The following BET1 variants were observed in gnomAD, a reference collection of about 807,000 sequenced individuals.
BET1 encodes the protein Bet1 golgi vesicular membrane trafficking protein.
In BET1, 9 loss-of-function variants were observed where a neutral mutation model predicts 13.9. The ratio of observed to expected loss-of-function variants is 0.65; its 90% CI spans 0.39 to 1.13. BET1 has a LOEUF of 1.13. BET1 is among the 50% of genes most tolerant of loss of function. The probability of loss-of-function intolerance (pLI) is 0.01; values close to 1 mark genes in which losing one functional copy is unlikely to be tolerated. For missense variants in BET1, 127 were observed against 133.6 expected, an observed-to-expected ratio of 0.95 and a Z score of 0.24; for synonymous variants, 39 against 47.3, an observed-to-expected ratio of 0.82 and a Z score of 0.72.
chr7:93,988,985 T>G (rs545439492), downstream of BET1, among the ~76,000 whole-genome samples: 12 of 147,960 alleles, frequency 8.1e-5, no homozygotes, highest in African/African-American at 2.9e-4. Context: ...GATATATAAA[T>G]ATATAAAATA....
chr7:93,965,984 G>A (rs141618143), intron 6 of BET1, among the ~76,000 whole-genome samples: 4 of 151,948 alleles, frequency 2.6e-5, no homozygotes, highest in East Asian at 1.9e-4. Context: ...GACTTCCTCC[G>A]CCACCACTGA....
chr7:93,978,531 T>C (rs1422784336), intron 4 of BET1, among the ~76,000 whole-genome samples: 2 of 152,196 alleles, frequency 1.3e-5, no homozygotes, highest in Non-Finnish European at 2.9e-5. Context: ...ATTGTTAGAG[T>C]TTCTGAACTC....
intron 2 of BET1, among the ~76,000 whole-genome samples, chr7:93,996,894 A>G (rs1795782048): frequency 6.6e-6 from 1 of 151,808 alleles, no homozygotes; most frequent in Non-Finnish European, 1.5e-5. Flanking sequence ...ACCAATTCAA[A>G]TCTAGACAGA....
chr7:93,989,005 A>T (rs968502959), downstream of BET1, among the ~76,000 whole-genome samples: 8 of 148,898 alleles, frequency 5.4e-5, no homozygotes, highest in African/African-American at 1.7e-4. Context: ...ATATATATAT[A>T]TACTGTTGTT....
At chr7:93,983,431 A>C (rs1281942082) in intron 4 of BET1, among the ~76,000 whole-genome samples, 1 of 152,178 alleles carries the variant, frequency 6.6e-6, no homozygotes, top group Non-Finnish European at 1.5e-5. Flanking sequence ...CAAAAGTTGC[A>C]ATATTTTAGG....
chr7:93,986,214 T>C (rs1033517908), intron 4 of BET1, among the ~76,000 whole-genome samples: 2 of 152,216 alleles, frequency 1.3e-5, no homozygotes, highest in African/African-American at 4.8e-5. Flanking sequence ...AACTTGAATT[T>C]ATAAAATAAT....
intron 6 of BET1, among the ~76,000 whole-genome samples, chr7:93,967,335 A>G (rs1226731102): frequency 7.2e-5 from 11 of 151,752 alleles, no homozygotes; most frequent in Admixed American, 7.2e-4. Context: ...GGTCACAGTT[A>G]TTTATAATAG....
At chr7:93,985,812 A>C (rs1273255687) in intron 4 of BET1, among the ~76,000 whole-genome samples, 2 of 152,140 alleles carry the variant, frequency 1.3e-5, no homozygotes, top group African/African-American at 4.8e-5. Context: ...TTTCAGGTTC[A>C]GATTGTCCCA....
chr7:93,981,791 A>G (rs530930193), intron 4 of BET1, among the ~76,000 whole-genome samples: 4 of 152,314 alleles, frequency 2.6e-5, no homozygotes, highest in African/African-American at 7.2e-5. Flanking sequence ...TCTTGGTCCA[A>G]TCTGGTGATG....
At chr7:93,969,541 C>T (rs1795226867) in intron 6 of BET1, 1 of 151,534 alleles carries the variant, frequency 6.6e-6, no homozygotes, top group Non-Finnish European at 1.5e-5. Flanking sequence ...GGACTTTTCC[C>T]CTAGATGCTG....
intron 3 of BET1, 103 bp from the exon 4 acceptor site, chr7:93,994,488 G>C: frequency 7.9e-7 from 1 of 1,258,592 alleles, no homozygotes; most frequent in Non-Finnish European, 1.1e-6. Flanking sequence ...CATTTGTAAT[G>C]ACAGTTTTGT....
Position 93,993,337 on chromosome 7 carries a change from A to C in BET1, c.*893T>G. ...TACAGAATATTTAACAATATTTAAT[A>C]TTTTTTACTCAACAGTCTGCCTTTG... On this transcript the variant is annotated 3_prime_UTR_variant, in exon 4 of 4. Transcript: ENST00000222547. 1 of 945,622 alleles carries C rather than the reference A, an allele frequency of 1.1e-6. No homozygotes were observed. Among genetic ancestry groups the C allele is most frequent in the Non-Finnish European group, 1.3e-6 (1 of 793,576 alleles). The allele number at this position is 945,622 out of a possible 1,614,324, so 58.6% of individuals were successfully genotyped here.
At chr7:93,987,266 A>G (rs1795545345) in intron 4 of BET1, 1 of 152,156 alleles carries the variant, frequency 6.6e-6, no homozygotes, top group South Asian at 2.1e-4. Context: ...AGCCGAATAC[A>G]CAAGAGGTGA....
chr7:93,986,153 A>G (rs574476173), intron 4 of BET1, among the ~76,000 whole-genome samples: 2 of 152,300 alleles, frequency 1.3e-5, no homozygotes, highest in South Asian at 4.1e-4. Context: ...TCTTGATTCA[A>G]TTAGTTCTCA....
chr7:93,972,254 A>T (rs1409049310), intron 6 of BET1: 1 of 151,912 alleles, frequency 6.6e-6, no homozygotes, highest in Non-Finnish European at 1.5e-5. Flanking sequence ...TTGCCTAAGT[A>T]GTCAGGCAAT....
chr7:93,980,653 AGCAT>A (rs1464070497), intron 4 of BET1, among the ~76,000 whole-genome samples: 1 of 152,222 alleles, frequency 6.6e-6, no homozygotes, highest in Non-Finnish European at 1.5e-5. Context: ...GCCCACAGCC[AGCAT>A]TATATTCAAT....
chr7:93,976,142 A>AAAAAC (rs1795332253), intron 4 of BET1: 5 of 1,139,690 alleles, frequency 4.4e-6, no homozygotes, highest in Non-Finnish European at 5.6e-6. Context: ...AATAATTTGA[A>AAAAAC]AAAACAAAAC....
intron 5 of BET1, among the ~76,000 whole-genome samples, chr7:93,973,792 T>C (rs1795296116): frequency 6.6e-6 from 1 of 152,008 alleles, no homozygotes; most frequent in South Asian, 2.1e-4. Context: ...GGTTTTAAAA[T>C]GCACCAGGCC....
At chr7:93,974,394 G>A (rs1486735478) in intron 5 of BET1, among the ~76,000 whole-genome samples, 1 of 151,916 alleles carries the variant, frequency 6.6e-6, no homozygotes, top group Non-Finnish European at 1.5e-5. Flanking sequence ...TGGAGATATA[G>A]TTGATTCCAA....
Sources: allele counts gnomAD v4.1 joint callset (sites outside exome capture counted in the v4.1 genomes callset), GRCh38; gene constraint gnomAD v4.1.1; transcripts MANE v1.5; gene names NCBI Gene and HGNC (gene_info 2026-07-23, HGNC 2026-07-21).